The following ZNF124 variants were observed in gnomAD, a reference collection of about 807,000 sequenced individuals.
The protein encoded by ZNF124 is zinc finger protein HZF-16.
ZNF124 carries 25 observed loss-of-function variants against 26.6 expected under a neutral mutation model. That is an observed-to-expected ratio of 0.94 (90% confidence interval 0.68 to 1.31). The LOEUF is 1.31. Among genes scored for constraint, ZNF124 ranks in the 40% most tolerant of loss-of-function variants. ZNF124 has a pLI of 0.00. For missense variants in ZNF124, 444 were observed against 422.2 expected, an observed-to-expected ratio of 1.05 and a Z score of -0.45; for synonymous variants, 129 against 133.3, an observed-to-expected ratio of 0.97 and a Z score of 0.22.
In ZNF124 at chr1:247,159,696, C is replaced by T; in HGVS notation, c.148G>A (p.Ala50Thr). 1.2e-6 allele frequency: 2 copies of T among 1,611,164 alleles called. No individual in the cohort carries two copies. Among genetic ancestry groups the T allele is most frequent in the Admixed American group, 1.7e-5 (1 of 59,032 alleles). The stretch of plus-strand genomic sequence containing the variant: ...ATATTGTGATTCTTACCTATGGAAG[C>T]CAGATTCCTGAAGGTTTCCTGCATC... ...DVMQETFRNL[A>T]SIGNKGEDQS... Residue 50 changes from alanine (A) to threonine (T), a missense_variant, in exon 2 of 4, where the codon GCT becomes ACT. Coordinates refer to ENST00000543802, the MANE Select transcript of ZNF124 (RefSeq NM_001297568.2).
chr1:247,147,995 A>T (rs1342168954), intron 3 of ZNF124, among the ~76,000 whole-genome samples: 1 of 152,216 alleles, frequency 6.6e-6, no homozygotes, highest in Non-Finnish European at 1.5e-5. Flanking sequence ...CTCTGCTTAT[A>T]AGCAAGGCAC....
intron 1 of ZNF124, among the ~76,000 whole-genome samples, chr1:247,161,929 A>G (rs967780527): frequency 6.6e-6 from 1 of 152,120 alleles, no homozygotes; most frequent in African/African-American, 2.4e-5. Context: ...CAGTCCAGTA[A>G]TTTTTCTCTA....
At chr1:247,161,973 TTA>T (rs1673506120) in intron 1 of ZNF124, among the ~76,000 whole-genome samples, 1 of 152,166 alleles carries the variant, frequency 6.6e-6, no homozygotes, top group East Asian at 1.9e-4. Context: ...TTATCAGAGT[TTA>T]TATTCAGCAT....
downstream of ZNF124, among the ~76,000 whole-genome samples, chr1:247,153,493 G>A (rs1367480961): frequency 6.6e-6 from 1 of 152,188 alleles, no homozygotes; most frequent in East Asian, 1.9e-4. Context: ...TGATTGGTGA[G>A]TCATCTGCTA....
intron 3 of ZNF124, among the ~76,000 whole-genome samples, chr1:247,137,893 C>G (rs983785647): frequency 1.3e-5 from 2 of 152,068 alleles, no homozygotes; most frequent in African/African-American, 4.8e-5. Context: ...AAATGCAAAT[C>G]AAAACAATGA....
At chr1:247,122,157 TAATA>T (rs1289575357) in exon 4 of ZNF124, 1 of 152,196 alleles carries the variant, frequency 6.6e-6, no homozygotes, top group Non-Finnish European at 1.5e-5. Flanking sequence ...CTACACCACT[TAATA>T]AATAATGAAT....
intron 3 of ZNF124, among the ~76,000 whole-genome samples, chr1:247,148,796 T>C (rs1384820379): frequency 8.2e-6 from 1 of 121,400 alleles, no homozygotes; most frequent in South Asian, 2.7e-4. Flanking sequence ...CCGTCTCTAC[T>C]AAAAATACAA....
intron 1 of ZNF124, among the ~76,000 whole-genome samples, chr1:247,166,592 T>C (rs1292730545): frequency 1.3e-5 from 2 of 152,134 alleles, no homozygotes; most frequent in African/African-American, 2.4e-5. Flanking sequence ...AAAACACATA[T>C]AAAAGAAATC....
At chr1:247,154,459 T>C (rs1271468147), downstream of ZNF124, among the ~76,000 whole-genome samples, 1 of 152,140 alleles carries the variant, frequency 6.6e-6, no homozygotes, top group Non-Finnish European at 1.5e-5. Context: ...CCTTTGTAAA[T>C]TGCCCAGTCT....
intron 3 of ZNF124, among the ~76,000 whole-genome samples, chr1:247,134,992 T>G (rs1333506747): frequency 6.6e-6 from 1 of 152,214 alleles, no homozygotes; most frequent in East Asian, 1.9e-4. Context: ...TGCTCCTGAA[T>G]GACTGCTAGG....
downstream of ZNF124, among the ~76,000 whole-genome samples, chr1:247,153,128 A>T (rs1322248859): frequency 2.0e-5 from 3 of 150,536 alleles, no homozygotes; most frequent in African/African-American, 7.4e-5. Flanking sequence ...GTGAGACTCC[A>T]TCTCAAAAAA....
intron 3 of ZNF124, among the ~76,000 whole-genome samples, chr1:247,143,312 A>C (rs1373826241): frequency 6.6e-6 from 1 of 152,216 alleles, no homozygotes; most frequent in East Asian, 1.9e-4. Flanking sequence ...GTAAATTCAA[A>C]GGGACATCAG....
Position 247,123,199 on chromosome 1 carries a change from CT to C in ZNF124, c.*668del, listed in dbSNP as rs892483182. ...TGAGACACAATACACATATTATGTTCTTTTTTTTTTTTTCTGAGACGGAGTC... is the reference window on the plus strand; with the variant it reads ...TGAGACACAATACACATATTATGTTCTTTTTTTTTTTTCTGAGACGGAGTC... On this transcript the variant is annotated 3_prime_UTR_variant, in exon 4 of 4. Transcript: ENST00000472531. 254 of 146,614 alleles carry C rather than the reference CT, an allele frequency of 1.7e-3. 1 individual carries two copies. In the Middle Eastern group the frequency reaches 0.025, roughly 14 times the overall value. The allele number at this position is 146,614 out of a possible 1,614,324, so 9.1% of individuals were successfully genotyped here.
chr1:247,148,759 G>A (rs1325629468), intron 3 of ZNF124, among the ~76,000 whole-genome samples: 2 of 151,814 alleles, frequency 1.3e-5, no homozygotes, highest in Non-Finnish European at 2.9e-5. Context: ...AGGAGATTGA[G>A]ACCATCCTGG....
At chr1:247,163,076 T>A (rs565221982) in intron 1 of ZNF124, among the ~76,000 whole-genome samples, 290 of 152,018 alleles carry the variant, frequency 1.9e-3, no homozygotes, top group Non-Finnish European at 3.3e-3. Flanking sequence ...AAAATGAAAT[T>A]AAGGTAGAAA....
chr1:247,159,524 A>G (rs765693090), intron 2 of ZNF124, among the ~76,000 whole-genome samples, 163 bp downstream of exon 2: 7 of 152,224 alleles, frequency 4.6e-5, no homozygotes, highest in Non-Finnish European at 1.0e-4. Flanking sequence ...TGTTATCACA[A>G]TTAAAAAATA....
chr1:247,143,973 AG>A (rs1672695817), intron 3 of ZNF124, among the ~76,000 whole-genome samples: 1 of 152,194 alleles, frequency 6.6e-6, no homozygotes, highest in African/African-American at 2.4e-5. Flanking sequence ...TCACAGAGAG[AG>A]ATAGAACAAT....
rs569004218 is a variant in ZNF124 at position 247,128,751 on chromosome 1, G to A, written c.219-4880C>T. Among the ~76,000 whole-genome samples, 940 of 148,440 alleles carry A rather than the reference G, an allele frequency of 6.3e-3. 2 individuals are homozygous for A. The highest frequency in any genetic ancestry group is 0.021 in the African/African-American group (858 of 40,054). On this transcript the variant is annotated intron_variant, in intron 3 of 3. Coordinates refer to the ZNF124 transcript ENST00000472531. ...GTCTCATGCTTGTGAAGGGAGAACAGCTATTCCAAAGTACAAGGAAACCCC... is the reference window on the plus strand; with the variant it reads ...GTCTCATGCTTGTGAAGGGAGAACAACTATTCCAAAGTACAAGGAAACCCC...
At chr1:247,162,603 T>C (rs1572094442) in intron 1 of ZNF124, among the ~76,000 whole-genome samples, 1 of 118,540 alleles carries the variant, frequency 8.4e-6, no homozygotes, top group African/African-American at 3.4e-5. Context: ...ATATATAAAA[T>C]ATATTAACCC....
Sources: gnomAD v4.1 joint callset for allele counts (sites outside exome capture counted in the v4.1 genomes callset) on GRCh38, gnomAD v4.1.1 for gene constraint, MANE v1.5 for transcripts, NCBI Gene and HGNC (gene_info 2026-07-23, HGNC 2026-07-21) for gene names.